The following ADAMTS16 variants were observed in gnomAD, a reference collection of about 807,000 sequenced individuals.
ADAMTS16 encodes ADAM metallopeptidase with thrombospondin type 1 motif 16.
In ADAMTS16, 94 loss-of-function variants were observed where a neutral mutation model predicts 145.8. The ratio of observed to expected loss-of-function variants is 0.64; its 90% CI spans 0.55 to 0.77. The LOEUF is 0.77. Ranked by LOEUF, ADAMTS16 falls within the 30% of genes least tolerant of loss-of-function variation. The pLI, the probability that ADAMTS16 is intolerant of heterozygous loss-of-function variation, is 0.00. For missense variants in ADAMTS16, 1,585 were observed against 1,591.5 expected (o/e 1.00, Z 0.07); for synonymous variants, 659 against 604.3 (o/e 1.09, Z -1.33).
intron 14 of ADAMTS16, 65 bp downstream of exon 14, chr5:5,237,164 T>C: frequency 6.5e-7 from 1 of 1,546,424 alleles, no homozygotes; most frequent in Non-Finnish European, 8.8e-7. Flanking sequence ...TCAAGCATCC[T>C]GTAGAGGCTA....
intron 10 of ADAMTS16, among the ~76,000 whole-genome samples, chr5:5,217,497 T>C (rs1206108564): frequency 2.6e-5 from 4 of 152,206 alleles, no homozygotes; most frequent in African/African-American, 9.6e-5. Flanking sequence ...GGTCTTAGGT[T>C]TGAGTCTGTA....
chr5:5,221,940 T>C (rs1049053536), intron 10 of ADAMTS16, among the ~76,000 whole-genome samples: 15 of 152,228 alleles, frequency 9.9e-5, no homozygotes, highest in Admixed American at 7.2e-4. Flanking sequence ...AATGCAGCAC[T>C]TGTTTAAATG....
intron 10 of ADAMTS16, among the ~76,000 whole-genome samples, chr5:5,218,458 G>A (rs571002976): frequency 6.6e-6 from 1 of 152,180 alleles, no homozygotes; most frequent in East Asian, 1.9e-4. Context: ...CCCCACGGCA[G>A]CCTCTAGGAG....
At chr5:5,273,896 T>C (rs1398168100) in intron 18 of ADAMTS16, among the ~76,000 whole-genome samples, 1 of 152,242 alleles carries the variant, frequency 6.6e-6, no homozygotes, top group Non-Finnish European at 1.5e-5. Context: ...ATTAACTTTC[T>C]GAATTTGAAT....
At chr5:5,156,387 G>A (rs186501167) in intron 3 of ADAMTS16, among the ~76,000 whole-genome samples, 2 of 152,246 alleles carry the variant, frequency 1.3e-5, no homozygotes, top group African/African-American at 4.8e-5. Flanking sequence ...TGCAATGGAG[G>A]AACAAGACTT....
Position 5,140,715 on chromosome 5 carries a change from G to A in ADAMTS16, c.124G>A (p.Val42Ile). 6.4e-7 allele frequency: 1 copy of A among 1,569,954 alleles called. No homozygotes were observed. Among genetic ancestry groups the A allele is most frequent in the Non-Finnish European group, 8.6e-7 (1 of 1,159,686 alleles). The change falls in exon 2 of 23, where the codon GTC becomes ATC. Residue 42 changes from valine to isoleucine, a missense_variant. By Grantham distance (29) the Val-to-Ile change is conservative (BLOSUM62 3). This residue lies in a region of ADAMTS16 where 453 missense variants were observed against 412.1 expected (regional missense o/e 1.10). Coordinates refer to ENST00000274181, the MANE Select transcript of ADAMTS16 (RefSeq NM_139056.4). ...AGCGGCAGCGCCTGGGAGCCCGAGC[G>A]TCCCGCGTCCTCCTCCACCCGCGGA... is the stretch of plus-strand genomic sequence containing the variant. ...PAAAAPGSPS[V>I]PRPPPPAERP...
intron 18 of ADAMTS16, among the ~76,000 whole-genome samples, chr5:5,293,231 G>C (rs539737739): frequency 1.3e-5 from 2 of 152,106 alleles, no homozygotes; most frequent in African/African-American, 4.8e-5. Flanking sequence ...AGTTCGATGG[G>C]TGTGGCATTG....
intron 9 of ADAMTS16, among the ~76,000 whole-genome samples, chr5:5,201,987 A>G (rs1735971585): frequency 6.6e-6 from 1 of 152,054 alleles, no homozygotes; most frequent in Non-Finnish European, 1.5e-5. Context: ...GCACAAATTA[A>G]GTCTTCTTAT....
chr5:5,236,960 C>G lies in ADAMTS16; in HGVS notation c.2024-9C>G. The G allele has an allele frequency of 6.2e-7, 1 of 1,605,320 alleles. No homozygotes were observed. Among genetic ancestry groups the G allele is most frequent in the Non-Finnish European group, 8.5e-7 (1 of 1,176,288 alleles). ...CTTATTTGTGTTTGTGTGTGTATTT[C>G]TTTTTAAGATCAGGACTTATGCAAA... On this transcript the variant is annotated splice_polypyrimidine_tract_variant and intron_variant, in intron 13 of 22. Transcript: ENST00000274181.
chr5:5,166,814 A>G (rs764314788), intron 3 of ADAMTS16, among the ~76,000 whole-genome samples: 1 of 152,208 alleles, frequency 6.6e-6, no homozygotes, highest in Non-Finnish European at 1.5e-5. Flanking sequence ...TTAATTGGTG[A>G]AAGTATCATA....
At chr5:5,240,070 G>T in intron 16 of ADAMTS16, 145 bp downstream of exon 16, 1 of 1,340,872 alleles carries the variant, frequency 7.5e-7, no homozygotes, top group South Asian at 1.5e-5. Context: ...TGAGGCAGCA[G>T]GCTTGTTTTT....
intron 18 of ADAMTS16, among the ~76,000 whole-genome samples, chr5:5,273,515 CAATA>C (rs1424107913): frequency 6.6e-6 from 1 of 152,154 alleles, no homozygotes; most frequent in East Asian, 1.9e-4. Context: ...AAACCTGTCT[CAATA>C]AATAAATAAA....
chr5:5,182,570 A>G (rs1047315355), intron 4 of ADAMTS16, among the ~76,000 whole-genome samples: 3 of 152,178 alleles, frequency 2.0e-5, no homozygotes, highest in Non-Finnish European at 2.9e-5. Context: ...CACAGTGTGC[A>G]GAAGTGCAGA....
intron 17 of ADAMTS16, among the ~76,000 whole-genome samples, chr5:5,249,764 C>T (rs1297205351): frequency 6.6e-6 from 1 of 152,214 alleles, no homozygotes; most frequent in Non-Finnish European, 1.5e-5. Flanking sequence ...CAGCCTTTTA[C>T]ACCCTGCCCT....
In ADAMTS16 at chr5:5,306,698, G is replaced by C; in HGVS notation, c.3381G>C (p.Arg1127Ser). 1 of 1,612,696 alleles carries C rather than the reference G, an allele frequency of 6.2e-7. No individual in the cohort carries two copies. The highest frequency in any genetic ancestry group is 1.1e-5 in the South Asian group (1 of 90,960). Residue 1127 changes from arginine to serine, a missense_variant, in exon 21 of 23, where the codon AGG (arginine) becomes AGC (serine). By Grantham distance (110) the Arg-to-Ser change is moderately radical (BLOSUM62 -1). Transcript: ENST00000274181. Reference protein sequence around the residue: ...HPPFAAAGPSRGSWFASPWSQ... With the variant: ...HPPFAAAGPSSGSWFASPWSQ... ...CATTTGCTGCTGCGGGACCCTCGAG[G>C]GGCAGCTGGTTTGCCTCACCCTGGT...
chr5:5,191,876 GTCC>G, intron 8 of ADAMTS16, 86 bp downstream of exon 8: 1 of 975,954 alleles, frequency 1.0e-6, no homozygotes, highest in Non-Finnish European at 1.6e-6. Flanking sequence ...ATCAAGTCAA[GTCC>G]ATGAAGGGAA....
chr5:5,191,491 T>C (rs1735662159), intron 7 of ADAMTS16, among the ~76,000 whole-genome samples, 194 bp from the exon 8 acceptor site: 1 of 152,164 alleles, frequency 6.6e-6, no homozygotes, highest in Non-Finnish European at 1.5e-5. Context: ...CAGAGAGTCC[T>C]TGGGCTCCCT....
chr5:5,152,863 A>G (rs1360608970), intron 3 of ADAMTS16, among the ~76,000 whole-genome samples: 1 of 152,232 alleles, frequency 6.6e-6, no homozygotes, highest in African/African-American at 2.4e-5. Context: ...TGGTTCTTTC[A>G]CTGGGGTGAA....
chr5:5,311,300 C>CAA (rs57267931), intron 21 of ADAMTS16, among the ~76,000 whole-genome samples: 6 of 127,942 alleles, frequency 4.7e-5, no homozygotes, highest in African/African-American at 1.2e-4. Flanking sequence ...TTGACATAGG[C>CAA]AAAAAAAAAA....
Sources: allele counts gnomAD v4.1 joint callset (sites outside exome capture counted in the v4.1 genomes callset), GRCh38; gene constraint gnomAD v4.1.1; regional missense constraint gnomAD v4.1.1; transcripts MANE v1.5; gene names NCBI Gene and HGNC (gene_info 2026-07-23, HGNC 2026-07-21).